PRKN: variants seen among roughly 807,000 people sequenced by gnomAD.
PRKN encodes parkin RBR E3 ubiquitin protein ligase, also known as E3 ubiquitin-protein ligase parkin.
PRKN carries 56 observed loss-of-function variants against 59.5 expected under a neutral mutation model. That is an observed-to-expected ratio of 0.94 (90% confidence interval 0.76 to 1.18). The LOEUF (loss-of-function observed/expected upper bound fraction) is 1.18, where lower values mean the gene tolerates loss of function less well. Ranked by LOEUF, PRKN falls within the 50% of genes most tolerant of loss-of-function variation. PRKN has a pLI of 0.00. For missense variants in PRKN, 657 were observed against 596.4 expected, an observed-to-expected ratio of 1.10 and a Z score of -1.06; for synonymous variants, 250 against 222.1, an observed-to-expected ratio of 1.13 and a Z score of -1.12.
intron 10 of PRKN, among the ~76,000 whole-genome samples, chr6:161,375,850 C>T (rs1360270188): frequency 1.3e-5 from 2 of 152,202 alleles, no homozygotes; most frequent in Non-Finnish European, 2.9e-5. Flanking sequence ...GGAGATCTGT[C>T]GCAGCCGTTC....
chr6:161,910,887 C>T (rs1778335241), intron 6 of PRKN, among the ~76,000 whole-genome samples: 1 of 152,134 alleles, frequency 6.6e-6, no homozygotes, highest in South Asian at 2.1e-4. Context: ...TGATTGTTAG[C>T]ATGTTTTAGC....
chr6:162,427,677 G>A (rs1033070870), intron 2 of PRKN, among the ~76,000 whole-genome samples: 51 of 143,902 alleles, frequency 3.5e-4, no homozygotes, highest in African/African-American at 1.2e-3. Flanking sequence ...ATGGAGTCTC[G>A]CTCTGTCGCC....
intron 9 of PRKN, among the ~76,000 whole-genome samples, chr6:161,392,535 A>G (rs571193696): frequency 4.4e-4 from 66 of 149,852 alleles, no homozygotes; most frequent in Non-Finnish European, 8.3e-4. Context: ...CTCTCTCGCT[A>G]TATATATATA....
chr6:162,258,506 G>C (rs908583648), intron 3 of PRKN, among the ~76,000 whole-genome samples: 1 of 148,094 alleles, frequency 6.8e-6, no homozygotes, highest in African/African-American at 2.6e-5. Context: ...CCCAGGTGCA[G>C]CTCAACGTTC....
At chr6:161,453,843 T>C (rs1667682205) in intron 9 of PRKN, among the ~76,000 whole-genome samples, 1 of 149,620 alleles carries the variant, frequency 6.7e-6, no homozygotes, top group Admixed American at 6.7e-5. Context: ...TTTCTGGGAA[T>C]ACTAGTTGTT....
chr6:161,492,303 C>A (rs1777588650), intron 9 of PRKN, among the ~76,000 whole-genome samples: 1 of 152,144 alleles, frequency 6.6e-6, no homozygotes, highest in Non-Finnish European at 1.5e-5. Context: ...CCTGGTAGGA[C>A]AAGACCAAGA....
chr6:162,389,530 G>T (rs1408746117), intron 2 of PRKN, among the ~76,000 whole-genome samples: 1 of 152,108 alleles, frequency 6.6e-6, no homozygotes. Flanking sequence ...CAGCCCATTT[G>T]CATTCCCTCT....
intron 2 of PRKN, among the ~76,000 whole-genome samples, chr6:162,297,462 A>G (rs1191228984): frequency 6.6e-6 from 1 of 152,142 alleles, no homozygotes; most frequent in Non-Finnish European, 1.5e-5. Context: ...ATTCTACAAG[A>G]TTGGATTTTG....
intron 1 of PRKN, among the ~76,000 whole-genome samples, chr6:162,617,529 G>A (rs1782479031): frequency 6.6e-6 from 1 of 152,052 alleles, no homozygotes; most frequent in Non-Finnish European, 1.5e-5. Context: ...ACCATGCCTG[G>A]CCATATAATA....
chr6:161,685,264 C>T lies in PRKN; in HGVS notation c.871+100508G>A, dbSNP rs570629842. Among the ~76,000 whole-genome samples, 17 of 152,268 alleles carry T rather than the reference C, an allele frequency of 1.1e-4. No individual in the cohort carries two copies. In the East Asian group the frequency reaches 1.9e-3, roughly 17 times the overall value. ...TAGAAAGGATTGTGCAAATTCTCATCGGCCACAAACGTTCTGCTCACATGT... is the reference window on the plus strand; with the variant it reads ...TAGAAAGGATTGTGCAAATTCTCATTGGCCACAAACGTTCTGCTCACATGT... On this transcript the variant is annotated intron_variant, in intron 7 of 11. Coordinates refer to ENST00000366898, the MANE Select transcript of PRKN (RefSeq NM_004562.3).
intron 4 of PRKN, among the ~76,000 whole-genome samples, chr6:162,192,388 G>C (rs1056607630): frequency 1.3e-5 from 2 of 148,836 alleles, no homozygotes; most frequent in African/African-American, 4.9e-5. Flanking sequence ...AAATATTTAG[G>C]TAAAGTCTGA....
intron 1 of PRKN, among the ~76,000 whole-genome samples, chr6:162,452,933 T>C (rs1790694645): frequency 6.6e-6 from 1 of 152,098 alleles, no homozygotes; most frequent in Non-Finnish European, 1.5e-5. Context: ...AAGGCAGGGA[T>C]GACAATATTA....
intron 10 of PRKN, among the ~76,000 whole-genome samples, chr6:161,381,217 C>T (rs908719856): frequency 2.6e-5 from 4 of 152,138 alleles, no homozygotes; most frequent in Non-Finnish European, 5.9e-5. Flanking sequence ...CAACAACAGC[C>T]CACTCATCCC....
At chr6:161,834,481 A>G (rs912813777) in intron 6 of PRKN, among the ~76,000 whole-genome samples, 1 of 152,216 alleles carries the variant, frequency 6.6e-6, no homozygotes, top group Admixed American at 6.5e-5. Context: ...ACCAGTTCTT[A>G]TCCATAACTT....
chr6:162,059,538 G>A (rs1481241376), intron 4 of PRKN, among the ~76,000 whole-genome samples: 33 of 152,162 alleles, frequency 2.2e-4, no homozygotes, highest in Admixed American at 2.2e-3. Context: ...ATAGTTAATA[G>A]TTTTTAAATA....
chr6:162,204,449 C>T (rs1011717860), intron 3 of PRKN, among the ~76,000 whole-genome samples: 1 of 152,074 alleles, frequency 6.6e-6, no homozygotes, highest in Non-Finnish European at 1.5e-5. Context: ...TGACACTGTA[C>T]TTCTCAGAAA....
chr6:161,615,357 T>C (rs1782653629), intron 7 of PRKN, among the ~76,000 whole-genome samples: 1 of 152,196 alleles, frequency 6.6e-6, no homozygotes, highest in African/African-American at 2.4e-5. Context: ...TTAGAGAGAT[T>C]GAAAATATTT....
intron 4 of PRKN, among the ~76,000 whole-genome samples, chr6:162,170,723 T>C (rs915937597): frequency 1.3e-5 from 2 of 152,146 alleles, no homozygotes; most frequent in Non-Finnish European, 2.9e-5. Flanking sequence ...GAAACAACGT[T>C]AGTGACAGTT....
In PRKN at chr6:162,530,432, T is replaced by C. The variant is rs1219582549; in HGVS notation, c.8-86959A>G. Reference sequence around the variant, plus strand: ...TTAAACAGACTGCCATAAAACAGTGTGGCCTAGTTGAAAGACAAAGAATCT... The same window carrying C: ...TTAAACAGACTGCCATAAAACAGTGCGGCCTAGTTGAAAGACAAAGAATCT... On this transcript the variant is annotated intron_variant, in intron 1 of 11. Transcript: ENST00000366898. Among the ~76,000 whole-genome samples, 5 of 152,270 alleles carry C rather than the reference T, an allele frequency of 3.3e-5. No individual in the cohort carries two copies. In the East Asian group the frequency reaches 7.7e-4, roughly 24 times the overall value.
Sources: allele counts gnomAD v4.1 joint callset (sites outside exome capture counted in the v4.1 genomes callset), GRCh38; gene constraint gnomAD v4.1.1; transcripts MANE v1.5; gene names NCBI Gene and HGNC (gene_info 2026-07-23, HGNC 2026-07-21).